Variants in PAMR1 observed in about 807,000 individuals in gnomAD.
PAMR1 encodes peptidase domain containing associated with muscle regeneration 1, also known as inactive serine protease PAMR1.
Under a neutral mutation model 81.8 loss-of-function variants are expected in PAMR1, and 88 were observed. The observed-to-expected ratio is 1.08, with a 90% CI of 0.91 to 1.28. The LOEUF is 1.28. Ranked by LOEUF, PAMR1 falls within the 50% of genes most tolerant of loss-of-function variation. The pLI, the probability that PAMR1 is intolerant of heterozygous loss-of-function variation, is 0.00. For synonymous variants in PAMR1, 336 were observed against 345.3 expected, an observed-to-expected ratio of 0.97 and a Z score of 0.30; for missense variants, 935 against 919.7, an observed-to-expected ratio of 1.02 and a Z score of -0.21.
Position 35,468,036 on chromosome 11 carries a change from C to A in PAMR1, c.785G>T (p.Cys262Phe). ...LDKAGSYKCA[C>F]LAGYTGQRCE... ...GCGCTGCCCAGTATAGCCTGCCAAG[C>A]AGGCACACTTGTAAGATCCAGCCTT... Residue 262 changes from cysteine to phenylalanine, a missense_variant, in exon 6 of 11, where the codon TGC becomes TTC. Cys to Phe is a radical substitution (Grantham distance 205). Transcript: ENST00000619888. 6.4e-7 allele frequency: 1 copy of A among 1,562,762 alleles called. No homozygotes were observed.
At chr11:35,434,460 T>G in intron 10 of PAMR1, 52 bp downstream of exon 10, 1 of 1,565,312 alleles carries the variant, frequency 6.4e-7, no homozygotes. Context: ...CTCCCGTGCT[T>G]GGAGTTTTTT....
At position 35,468,136 on chromosome 11, in the gene PAMR1, C is replaced by G. The variant is rs1856791040; in HGVS notation, c.713-28G>C. On this transcript the variant is annotated intron_variant, in intron 5 of 10. Transcript: ENST00000619888. The stretch of plus-strand genomic sequence containing the variant: ...GTAAGAGAAAAGGCATCCTTCAGTG[C>G]CACTATACATTGAGTCGATGTCTTC... 2.9e-6 allele frequency: 4 copies of G among 1,392,082 alleles called. No individual in the cohort carries two copies. In the East Asian group the frequency reaches 1.0e-4, roughly 35 times the overall value. 86.2% of individuals were successfully genotyped at this position (1,392,082 alleles called of 1,614,324 possible).
intron 1 of PAMR1, among the ~76,000 whole-genome samples, chr11:35,509,311 T>C (rs569458650): frequency 1.3e-5 from 2 of 152,334 alleles, no homozygotes; most frequent in African/African-American, 4.8e-5. Flanking sequence ...ATTCAATAAA[T>C]AGACAAGAGC....
At chr11:35,499,733 C>A (rs1850794993) in intron 1 of PAMR1, among the ~76,000 whole-genome samples, 1 of 152,184 alleles carries the variant, frequency 6.6e-6, no homozygotes, top group African/African-American at 2.4e-5. Flanking sequence ...CTCCAATGAG[C>A]AAGCCCACCT....
At chr11:35,463,517 A>AC (rs1370508687) in intron 6 of PAMR1, among the ~76,000 whole-genome samples, 1 of 152,172 alleles carries the variant, frequency 6.6e-6, no homozygotes, top group African/African-American at 2.4e-5. Context: ...CAAGATTCTG[A>AC]CCATTTACTC....
rs778649488 is a variant in PAMR1 at position 35,474,719 on chromosome 11, T to C, written c.405A>G (p.Pro135=). The C allele has an allele frequency of 1.2e-6, 2 of 1,611,024 alleles. No homozygotes were observed. The highest frequency in any genetic ancestry group is 8.5e-7 in the Non-Finnish European group (1 of 1,178,790). Residue 135 remains proline (P), a synonymous_variant, in exon 4 of 11, where the codon CCA becomes CCG. Transcript: ENST00000619888. ...AGCTTTCCAACAAAATCTGACCCTT[T>C]GGGGCTCGCAGAACCTGGCCACATC... ...CMRCGQVLRA[P]KGQILLESYP... is the part of the protein sequence containing the mutation.
At chr11:35,445,624 T>C (rs1471976075) in intron 6 of PAMR1, among the ~76,000 whole-genome samples, 4 of 152,362 alleles carry the variant, frequency 2.6e-5, no homozygotes, top group South Asian at 4.1e-4. Flanking sequence ...GTTTATGTGA[T>C]GAATTATGTT....
At chr11:35,451,524 C>G (rs1027470848) in intron 6 of PAMR1, among the ~76,000 whole-genome samples, 9 of 152,124 alleles carry the variant, frequency 5.9e-5, no homozygotes, top group African/African-American at 2.4e-5. Flanking sequence ...ATAATTAAAT[C>G]AATGGTACAA....
chr11:35,459,979 T>C (rs999330292), intron 6 of PAMR1, among the ~76,000 whole-genome samples: 1 of 152,214 alleles, frequency 6.6e-6, no homozygotes, highest in Non-Finnish European at 1.5e-5. Flanking sequence ...AATAAATGGG[T>C]CACGTCACAT....
chr11:35,445,507 G>C (rs1290226141), intron 6 of PAMR1, among the ~76,000 whole-genome samples: 2 of 152,164 alleles, frequency 1.3e-5, no homozygotes, highest in African/African-American at 2.4e-5. Context: ...TTTGAGGTAT[G>C]TTCCTGCTTT....
At chr11:35,455,464 C>T (rs566308551) in intron 6 of PAMR1, among the ~76,000 whole-genome samples, 3 of 152,324 alleles carry the variant, frequency 2.0e-5, no homozygotes, top group African/African-American at 7.2e-5. Flanking sequence ...TTATTGCTAT[C>T]CACCAGTGTA....
At chr11:35,502,591 C>T (rs954470846) in intron 1 of PAMR1, among the ~76,000 whole-genome samples, 2 of 152,166 alleles carry the variant, frequency 1.3e-5, no homozygotes, top group East Asian at 1.9e-4. Context: ...GACATGATCT[C>T]GTTCCTTGTT....
chr11:35,525,985 C>A (rs747738861), upstream of PAMR1: 11 of 220,912 alleles, frequency 5.0e-5, no homozygotes, highest in Non-Finnish European at 6.4e-5. Context: ...CAGGTGAGGC[C>A]GGGAGATCTT....
At chr11:35,480,101 GT>G (rs1850359429) in intron 3 of PAMR1, among the ~76,000 whole-genome samples, 1 of 152,128 alleles carries the variant, frequency 6.6e-6, no homozygotes, top group African/African-American at 2.4e-5. Flanking sequence ...AATATCATCT[GT>G]CCTGTTTATA....
Position 35,494,246 on chromosome 11 carries a change from G to C in PAMR1, c.100C>G (p.Pro34Ala). The C allele has an allele frequency of 6.2e-7, 1 of 1,614,084 alleles. No individual in the cohort carries two copies. The highest frequency in any genetic ancestry group is 8.5e-7 in the Non-Finnish European group (1 of 1,179,994). ...CACATGATATTCCACTCTGCTCCAGGGCAGGCTTCATTAATGACTGTGTAC... is the reference window on the plus strand; with the variant it reads ...CACATGATATTCCACTCTGCTCCAGCGCAGGCTTCATTAATGACTGTGTAC... ...REYTVINEAC[P>A]GAEWNIMCRE... The change falls in exon 2 of 11, where the codon CCT becomes GCT. Residue 34 changes from proline to alanine, a missense_variant. Transcript: ENST00000619888.
intron 3 of PAMR1, among the ~76,000 whole-genome samples, chr11:35,479,577 CCCA>C (rs1274005900): frequency 6.6e-6 from 1 of 152,144 alleles, no homozygotes; most frequent in Non-Finnish European, 1.5e-5. Context: ...CAGGTTCTGA[CCCA>C]CTGCTCCAGG....
intron 3 of PAMR1, among the ~76,000 whole-genome samples, chr11:35,482,768 T>C (rs531781948): frequency 3.9e-4 from 59 of 152,328 alleles, no homozygotes; most frequent in Non-Finnish European, 7.2e-4. Flanking sequence ...GTTATCTGTA[T>C]TCCTAGGTGT....
chr11:35,440,639 A>G lies in PAMR1; in HGVS notation c.1033+842T>C, dbSNP rs1056428143. Among the ~76,000 whole-genome samples, 62 of 152,318 alleles carry G rather than the reference A, an allele frequency of 4.1e-4. 1 individual carries two copies. Among genetic ancestry groups the G allele is most frequent in the Middle Eastern group, 3.4e-3 (1 of 294 alleles). ...GAGAGGATGTTAACCTGAAGCAACT[A>G]GTGAATCAATTCAGTGAGAAACTAT... On this transcript the variant is annotated intron_variant, in intron 7 of 10. Transcript: ENST00000619888.
intron 7 of PAMR1, among the ~76,000 whole-genome samples, chr11:35,441,192 C>T (rs1304079531): frequency 6.6e-6 from 1 of 152,016 alleles, no homozygotes; most frequent in Admixed American, 6.6e-5. Context: ...CTTGGATTTG[C>T]ATATATTAAA....
Sources: gnomAD v4.1 joint callset for allele counts (sites outside exome capture counted in the v4.1 genomes callset) on GRCh38, gnomAD v4.1.1 for gene constraint, MANE v1.5 for transcripts, NCBI Gene and HGNC (gene_info 2026-07-23, HGNC 2026-07-21) for gene names.